PRRC2B: variants seen among roughly 807,000 people sequenced by gnomAD.
The protein encoded by PRRC2B is proline rich coiled-coil 2B.
In PRRC2B, 68 loss-of-function variants were observed where a neutral mutation model predicts 242.3. The observed-to-expected ratio is 0.28, with a 90% CI of 0.23 to 0.34. PRRC2B has a LOEUF of 0.34. Among genes scored for constraint, PRRC2B ranks in the 10% least tolerant of loss-of-function variants. The probability of loss-of-function intolerance (pLI) is 1.00; values close to 1 mark genes in which losing one functional copy is unlikely to be tolerated. For synonymous variants in PRRC2B, 1,228 were observed against 1,173.6 expected (o/e 1.05, Z -0.95); for missense variants, 2,835 against 2,954.8 (o/e 0.96, Z 0.94).
chr9:131,393,896 C>T (rs535072193), upstream of PRRC2B, among the ~76,000 whole-genome samples: 502 of 151,302 alleles, frequency 3.3e-3, 1 homozygote, highest in Middle Eastern at 0.014. Context: ...TCCCGCCGCT[C>T]CCCGCCCCTC....
At chr9:131,374,142 C>T (rs1836653090) in intron 1 of PRRC2B, among the ~76,000 whole-genome samples, 1 of 151,770 alleles carries the variant, frequency 6.6e-6, no homozygotes, top group South Asian at 2.1e-4. Context: ...CTGATTCGTT[C>T]ATTACACATT....
intron 9 of PRRC2B, among the ~76,000 whole-genome samples, chr9:131,450,731 G>A (rs753109014): frequency 3.0e-4 from 45 of 151,866 alleles, no homozygotes; most frequent in Middle Eastern, 3.4e-3. Flanking sequence ...GGGATTACAG[G>A]TGTGGGCCAC....
intron 11 of PRRC2B, among the ~76,000 whole-genome samples, chr9:131,463,628 C>CT (rs374951504): frequency 0.016 from 2,071 of 125,764 alleles, 84 homozygotes; most frequent in East Asian, 0.067. Flanking sequence ...TTTAGGCATG[C>CT]TTTTTTTTTT....
intron 9 of PRRC2B, 47 bp from the exon 10 acceptor site, chr9:131,455,029 A>G: frequency 6.7e-7 from 1 of 1,493,982 alleles, no homozygotes; most frequent in Admixed American, 1.8e-5. Context: ...GCCACCACTG[A>G]CTTTTTCATT....
chr9:131,432,858 C>T, intron 3 of PRRC2B, 64 bp downstream of exon 3: 1 of 1,557,368 alleles, frequency 6.4e-7, no homozygotes, highest in Non-Finnish European at 8.8e-7. Flanking sequence ...GGCATCCTTC[C>T]CTGTGGCAAA....
rs1263404750 is a variant in PRRC2B at position 131,486,071 on chromosome 9, C to T, written c.5759-14C>T. On this transcript the variant is annotated splice_polypyrimidine_tract_variant and intron_variant, in intron 25 of 31. Coordinates refer to ENST00000683519, the MANE Select transcript of PRRC2B (RefSeq NM_013318.4). Reference sequence around the variant, plus strand: ...TGATCCTCTTCTACGTCCCTTTTGCCGCTCTGTTTCCAGGCAGCCACCTCC... The same window carrying T: ...TGATCCTCTTCTACGTCCCTTTTGCTGCTCTGTTTCCAGGCAGCCACCTCC... 1.8e-5 allele frequency: 28 copies of T among 1,579,178 alleles called. No individual in the cohort carries two copies. Among genetic ancestry groups the T allele is most frequent in the African/African-American group, 2.7e-5 (2 of 74,166 alleles).
intron 9 of PRRC2B, among the ~76,000 whole-genome samples, chr9:131,452,887 A>G (rs1942964897): frequency 6.6e-6 from 1 of 152,204 alleles, no homozygotes; most frequent in Non-Finnish European, 1.5e-5. Flanking sequence ...CCCTTTGAAA[A>G]GTATATATTC....
chr9:131,475,915 C>T lies in PRRC2B; in HGVS notation c.3786C>T (p.His1262=), dbSNP rs1943680718. 1 of 1,613,912 alleles carries T rather than the reference C, an allele frequency of 6.2e-7. No individual in the cohort carries two copies. Among genetic ancestry groups the T allele is most frequent in the Non-Finnish European group, 8.5e-7 (1 of 1,179,834 alleles). ...ACTATGTCCCAGATTCCTACAGACA[C>T]CCTGACGCATTTGGTGGCCGGGGCT... ...DRDYVPDSYR[H]PDAFGGRGFE... is the part of the protein sequence containing the mutation. The change falls in exon 16 of 32, where the codon CAC becomes CAT. Residue 1262 remains histidine, a synonymous_variant. Coordinates refer to ENST00000683519, the MANE Select transcript of PRRC2B (RefSeq NM_013318.4).
chr9:131,380,624 A>G (rs1402483010), intron 1 of PRRC2B, among the ~76,000 whole-genome samples: 1 of 151,754 alleles, frequency 6.6e-6, no homozygotes, highest in East Asian at 1.9e-4. Flanking sequence ...TCATGCCTGT[A>G]ATCCCAGCAC....
intron 10 of PRRC2B, among the ~76,000 whole-genome samples, chr9:131,458,794 C>T (rs919388101): frequency 2.0e-5 from 3 of 152,322 alleles, no homozygotes; most frequent in Admixed American, 6.5e-5. Context: ...TGAGCCACTA[C>T]GCCCAGGCCC....
rs190565711 is a variant in PRRC2B at position 131,476,105 on chromosome 9, T to C, written c.3976T>C (p.Trp1326Arg). The change falls in exon 16 of 32, where the codon TGG (tryptophan) becomes CGG (arginine). Residue 1326 changes from tryptophan (W) to arginine (R), a missense_variant. Around this residue, in one of 7 missense-constraint regions of PRRC2B, gnomAD observed 1,536 missense variants for 1,483.1 expected, o/e 1.04. Coordinates refer to ENST00000683519, the MANE Select transcript of PRRC2B (RefSeq NM_013318.4). ...GCAAGAGCGGGAGTCCCTGGGCCTG[T>C]GGGGACCCGAGGAGGAGCCCCACCT... ...LRQERESLGL[W>R]GPEEEPHLLA... 9.6e-5 allele frequency: 154 copies of C among 1,609,938 alleles called. No individual in the cohort carries two copies. In the African/African-American group the frequency reaches 1.7e-3, roughly 18 times the overall value.
At position 131,386,464 on chromosome 9, in the gene PRRC2B, C is replaced by T. The variant is rs1203798771; in HGVS notation, c.-56+12733C>T. Among the ~76,000 whole-genome samples, 3 of 150,236 alleles carry T rather than the reference C, an allele frequency of 2.0e-5. 1 individual carries two copies. Among genetic ancestry groups the T allele is most frequent in the Non-Finnish European group, 4.4e-5 (3 of 67,588 alleles). On this transcript the variant is annotated intron_variant, in intron 1 of 1. Transcript: ENST00000682525. ...CCAGGGATGCAGCAGCTCCCACTGT[C>T]CCCAGAGGGTGTCACCCCACTTCCA...
At chr9:131,387,633 C>G (rs1836842558) in intron 1 of PRRC2B, among the ~76,000 whole-genome samples, 1 of 149,742 alleles carries the variant, frequency 6.7e-6, no homozygotes, top group African/African-American at 2.4e-5. Context: ...CTGCCTCTCA[C>G]GGTACTGTCA....
rs1838224541 is a variant in PRRC2B, at chr9:131,432,865, C to T, written c.293+71C>T. ...GTGGTCCCGGCATCCTTCCCTGTGG[C>T]AAACTAACCCTAACCCTTTGGCTAC... On this transcript the variant is annotated intron_variant, in intron 3 of 31. Transcript: ENST00000683519. 5 of 1,508,886 alleles carry T rather than the reference C, an allele frequency of 3.3e-6. No homozygotes were observed. The Admixed American group carries it at 5.4e-5, about 16-fold the overall frequency. 93.5% of individuals were successfully genotyped at this position (1,508,886 alleles called of 1,614,324 possible).
chr9:131,487,858 C>T lies in PRRC2B; in HGVS notation c.5987C>T (p.Ser1996Phe). The change falls in exon 28 of 32, where the codon TCT becomes TTT. Residue 1996 changes from serine (S) to phenylalanine (F), a missense_variant and splice_region_variant. Physicochemically the swap from Ser to Phe is radical, Grantham distance 155. Transcript: ENST00000683519. This position sits in a 1 kb window ranked among gnomAD's most constrained non-coding sequence, Gnocchi z 5.3. ...GACCATCTGTCTGGCTTTTGCAGAT[C>T]TCAGGTGTACATGCACCCCAGCCTG... Reference protein sequence around the residue: ...EIFSSLQPFRSQVYMHPSLSP... With the variant: ...EIFSSLQPFRFQVYMHPSLSP... 1 of 1,607,254 alleles carries T rather than the reference C, an allele frequency of 6.2e-7. No homozygotes were observed. Among genetic ancestry groups the T allele is most frequent in the Non-Finnish European group, 8.5e-7 (1 of 1,174,456 alleles).
chr9:131,476,438 C>T lies in PRRC2B; in HGVS notation c.4309C>T (p.Pro1437Ser), dbSNP rs1190969040. 2 of 1,612,692 alleles carry T rather than the reference C, an allele frequency of 1.2e-6. No homozygotes were observed. Among genetic ancestry groups the T allele is most frequent in the South Asian group, 1.1e-5 (1 of 90,878 alleles). The change falls in exon 16 of 32, where the codon CCG becomes TCG. Residue 1437 changes from proline to serine, a missense_variant. Around this residue, in one of 7 missense-constraint regions of PRRC2B, gnomAD observed 1,536 missense variants for 1,483.1 expected, o/e 1.04. Coordinates refer to ENST00000683519, the MANE Select transcript of PRRC2B (RefSeq NM_013318.4). Reference sequence around the variant, plus strand: ...TGACAGACAGAGCCGAAAGCTGGAGCCGGGAGGGTTTGGGGAGAAGCCCGT... The same window carrying T: ...TGACAGACAGAGCCGAAAGCTGGAGTCGGGAGGGTTTGGGGAGAAGCCCGT... Reference protein sequence around the residue: ...VVDRQSRKLEPGGFGEKPVRP... With the variant: ...VVDRQSRKLESGGFGEKPVRP...
At chr9:131,481,848 G>A (rs1190957950) in intron 20 of PRRC2B, 40 bp downstream of exon 20, 14 of 1,497,166 alleles carry the variant, frequency 9.4e-6, no homozygotes, top group Non-Finnish European at 1.2e-5. Context: ...CCTGGGATGA[G>A]TGTGTGAGTG....
chr9:131,458,368 A>G (rs1418765070), intron 10 of PRRC2B, among the ~76,000 whole-genome samples: 2 of 152,144 alleles, frequency 1.3e-5, no homozygotes, highest in Non-Finnish European at 2.9e-5. Context: ...TTAAATCAAG[A>G]GTGTCCAATC....
intron 19 of PRRC2B, among the ~76,000 whole-genome samples, chr9:131,481,471 C>G (rs1943865274): frequency 2.6e-5 from 4 of 152,146 alleles, no homozygotes; most frequent in African/African-American, 9.7e-5. Context: ...CCTGCTCACT[C>G]TCTCCTGTAA....
Sources: gnomAD v4.1 joint callset for allele counts (sites outside exome capture counted in the v4.1 genomes callset) on GRCh38, gnomAD v4.1.1 for gene constraint, gnomAD v4.1.1 regional missense constraint, Gnocchi (gnomAD v3.1) non-coding constraint, MANE v1.5 for transcripts, NCBI Gene and HGNC (gene_info 2026-07-23, HGNC 2026-07-21) for gene names.